The following SLC16A12 variants were observed in gnomAD, a reference collection of about 807,000 sequenced individuals.
The protein encoded by SLC16A12 is monocarboxylate transporter 12.
A neutral mutation model predicts 42.4 loss-of-function variants in SLC16A12; 17 were observed. The observed-to-expected ratio is 0.40, with a 90% CI of 0.27 to 0.60. The LOEUF (loss-of-function observed/expected upper bound fraction) is 0.60. SLC16A12 is among the 20% of genes least tolerant of loss of function. SLC16A12 has a pLI of 0.42. For missense variants in SLC16A12, 544 were observed against 623.0 expected, an observed-to-expected ratio of 0.87 and a Z score of 1.35; for synonymous variants, 224 against 229.4, an observed-to-expected ratio of 0.98 and a Z score of 0.21.
At chr10:89,445,091 C>T (rs1240904038) in intron 3 of SLC16A12, among the ~76,000 whole-genome samples, 6 of 152,212 alleles carry the variant, frequency 3.9e-5, no homozygotes, top group South Asian at 2.1e-4. Context: ...AACAAAGTGG[C>T]CAGGAAGCTC....
chr10:89,450,449 T>C (rs1267188481), intron 3 of SLC16A12, among the ~76,000 whole-genome samples: 1 of 152,254 alleles, frequency 6.6e-6, no homozygotes, highest in Non-Finnish European at 1.5e-5. Flanking sequence ...GATGAGTTCA[T>C]GTCGTTTGTA....
chr10:89,542,726 C>G (rs550373213), intron 2 of SLC16A12, among the ~76,000 whole-genome samples: 3 of 152,212 alleles, frequency 2.0e-5, no homozygotes, highest in Non-Finnish European at 4.4e-5. Flanking sequence ...TCTCCCCGCC[C>G]AACTATACAG....
In SLC16A12 at chr10:89,553,124, T is replaced by C. The variant is rs545467770; in HGVS notation, c.-47+2758A>G. Among the ~76,000 whole-genome samples, 4 of 152,378 alleles carry C rather than the reference T, an allele frequency of 2.6e-5. No individual in the cohort carries two copies. The South Asian group carries it at 6.2e-4, about 24-fold the overall frequency. The stretch of plus-strand genomic sequence containing the variant: ...CATGCCTATTATGTTTTCTGTGATA[T>C]TGAATCATTTTTTCTTAATTTAATA... On this transcript the variant is annotated intron_variant, in intron 2 of 2. Coordinates refer to the SLC16A12 transcript ENST00000475682.
chr10:89,468,071 C>G (rs1169147790), intron 2 of SLC16A12: 2 of 152,106 alleles, frequency 1.3e-5, no homozygotes, highest in Non-Finnish European at 2.9e-5. Context: ...AAGTTAAGAA[C>G]TGATTTGAGA....
chr10:89,486,943 G>A (rs1476693633), intron 2 of SLC16A12, among the ~76,000 whole-genome samples: 1 of 152,156 alleles, frequency 6.6e-6, no homozygotes, highest in Non-Finnish European at 1.5e-5. Context: ...AGATATGTGT[G>A]GGCTGGTACC....
intron 3 of SLC16A12, chr10:89,456,290 A>T (rs924256365): frequency 6.6e-6 from 1 of 152,226 alleles, no homozygotes; most frequent in Non-Finnish European, 1.5e-5. Context: ...TAAGAATTCA[A>T]CTATTGTTAA....
chr10:89,493,156 A>C (rs143894369), intron 2 of SLC16A12, among the ~76,000 whole-genome samples: 48 of 152,210 alleles, frequency 3.2e-4, no homozygotes, highest in Non-Finnish European at 5.3e-4. Context: ...GAACTCAGCT[A>C]TATCTAAATC....
intron 2 of SLC16A12, among the ~76,000 whole-genome samples, chr10:89,468,583 G>A (rs1378649338): frequency 9.2e-5 from 14 of 152,186 alleles, no homozygotes; most frequent in Admixed American, 8.5e-4. Context: ...AAGGAAGGGG[G>A]GAGAAGCCGA....
chr10:89,526,182 T>C (rs1220278290), intron 2 of SLC16A12, among the ~76,000 whole-genome samples: 2 of 152,174 alleles, frequency 1.3e-5, no homozygotes, highest in African/African-American at 4.8e-5. Flanking sequence ...TTGGCAGTTA[T>C]GTACAACTGT....
intron 1 of SLC16A12, among the ~76,000 whole-genome samples, chr10:89,556,319 A>G (rs1028597351): frequency 6.6e-6 from 1 of 151,196 alleles, no homozygotes; most frequent in Non-Finnish European, 1.5e-5. Flanking sequence ...TGAAACAAAA[A>G]GGGGGGAAGA....
At chr10:89,535,951 C>T (rs1422908699), upstream of SLC16A12, among the ~76,000 whole-genome samples, 1 of 152,368 alleles carries the variant, frequency 6.6e-6, no homozygotes, top group Non-Finnish European at 1.5e-5. Flanking sequence ...CCGCCAGCTC[C>T]GCCGGGGACT....
At position 89,486,247 on chromosome 10, in the gene SLC16A12, A is replaced by C. The variant is rs188370388; in HGVS notation, c.-46-23623T>G. 1.4e-3 allele frequency among the ~76,000 whole-genome samples: 217 copies of C among 152,184 alleles called. 1 individual carries two copies. The highest frequency in any genetic ancestry group is 3.2e-3 in the Admixed American group (49 of 15,264). On this transcript the variant is annotated intron_variant, in intron 2 of 7. Coordinates refer to ENST00000371790, the MANE Select transcript of SLC16A12 (RefSeq NM_213606.4). ...TCTAGGTTGTATGTAAAAGCCCCAT[A>C]TGGCTCCCTTATTTTCTTATCTAAA...
chr10:89,466,683 G>A (rs1265671695), intron 2 of SLC16A12, among the ~76,000 whole-genome samples: 1 of 152,138 alleles, frequency 6.6e-6, no homozygotes, highest in Non-Finnish European at 1.5e-5. Context: ...TTCCCTTGTG[G>A]CAGCCATGAG....
intron 2 of SLC16A12, among the ~76,000 whole-genome samples, chr10:89,542,599 T>C (rs984252920): frequency 2.0e-5 from 3 of 152,180 alleles, no homozygotes; most frequent in African/African-American, 7.2e-5. Flanking sequence ...CCACAGTGTC[T>C]GGCCTGTTAT....
At position 89,554,033 on chromosome 10, in the gene SLC16A12, GAAGAAAGAAAGAAAGA is replaced by G. The variant is rs1295802200; in HGVS notation, c.-47+1833_-47+1848del. ...GAAAGAGAGAAAGAAAGAGAGAAAG[GAAGAAAGAAAGAAAGA>G]AAGAAAGAAAGAAAGAAAGAAAGAA... On this transcript the variant is annotated intron_variant, in intron 2 of 2. Transcript: ENST00000475682. 4.2e-3 allele frequency among the ~76,000 whole-genome samples: 287 copies of G among 67,574 alleles called. 8 individuals carry two copies. Among genetic ancestry groups the G allele is most frequent in the Middle Eastern group, 7.4e-3 (1 of 136 alleles). 44.3% of individuals were successfully genotyped at this position (67,574 alleles called of 152,430 possible). A position where few individuals can be genotyped will look rare whatever the true frequency, so the allele number is the denominator to read the frequency against.
chr10:89,520,112 GA>G lies in SLC16A12; in HGVS notation c.-47+14388del, dbSNP rs544941580. Among the ~76,000 whole-genome samples the G allele has an allele frequency of 4.4e-4, 63 of 144,518 alleles. No individual in the cohort carries two copies. The East Asian group carries it at 6.0e-3, about 14-fold the overall frequency. 94.8% of individuals were successfully genotyped at this position (144,518 alleles called of 152,430 possible). On this transcript the variant is annotated intron_variant, in intron 2 of 7. Transcript: ENST00000371790. ...TCGGTGACAGAGCAAGACTCTGTCT[GA>G]AAAAAAAAAATCATACAAAGAGAAA...
At chr10:89,497,393 CA>C (rs1842935564) in intron 2 of SLC16A12, among the ~76,000 whole-genome samples, 1 of 152,046 alleles carries the variant, frequency 6.6e-6, no homozygotes, top group East Asian at 1.9e-4. Flanking sequence ...TTTATACAAA[CA>C]AAAATGTATA....
chr10:89,543,751 C>G (rs1843728654), intron 2 of SLC16A12, among the ~76,000 whole-genome samples: 1 of 152,128 alleles, frequency 6.6e-6, no homozygotes, highest in Admixed American at 6.5e-5. Context: ...GGGAGGATCA[C>G]TTGAGCCCAG....
At chr10:89,521,708 A>G (rs922673139) in intron 2 of SLC16A12, among the ~76,000 whole-genome samples, 13 of 152,282 alleles carry the variant, frequency 8.5e-5, no homozygotes, top group Non-Finnish European at 1.8e-4. Context: ...AGGGAGGAGG[A>G]GGAAGAAGAG....
Sources: allele counts gnomAD v4.1 joint callset (sites outside exome capture counted in the v4.1 genomes callset), GRCh38; gene constraint gnomAD v4.1.1; transcripts MANE v1.5; gene names NCBI Gene and HGNC (gene_info 2026-07-23, HGNC 2026-07-21).